CNBD1: variants seen among roughly 807,000 people sequenced by gnomAD.
CNBD1 encodes the protein cyclic nucleotide binding domain containing 1, also known as cyclic nucleotide-binding domain-containing protein 1.
CNBD1 carries 71 observed loss-of-function variants against 54.4 expected under a neutral mutation model. That is an observed-to-expected ratio of 1.30 (90% confidence interval 1.08 to 1.59). The LOEUF (loss-of-function observed/expected upper bound fraction) is 1.59. Ranked by LOEUF, CNBD1 falls within the 40% of genes most tolerant of loss-of-function variation. CNBD1 has a pLI of 0.00. For missense variants in CNBD1, 659 were observed against 518.0 expected (o/e 1.27, Z -2.64); for synonymous variants, 182 against 170.7 (o/e 1.07, Z -0.51).
chr8:87,388,603 C>A (rs553260564), intron 2 of CNBD1, among the ~76,000 whole-genome samples: 1 of 152,018 alleles, frequency 6.6e-6, no homozygotes, highest in African/African-American at 2.4e-5. Flanking sequence ...ATTGAGGCAA[C>A]AATTAATAGC....
chr8:87,098,887 A>G lies in CNBD1; in HGVS notation c.432-107106A>G, dbSNP rs1478426433. ...CTGTCTCTACTAAAAATACAAAAAA[A>G]TTAGCCAGGCGTGGTGGCACACGCC... On this transcript the variant is annotated intron_variant, in intron 4 of 10. Coordinates refer to ENST00000518476, the MANE Select transcript of CNBD1 (RefSeq NM_173538.3). 4.6e-5 allele frequency among the ~76,000 whole-genome samples: 7 copies of G among 151,778 alleles called. No individual in the cohort carries two copies. The East Asian group carries it at 1.4e-3, about 30-fold the overall frequency.
At position 87,015,405 on chromosome 8, in the gene CNBD1, T is replaced by G. The variant is rs568766825; in HGVS notation, c.431+75651T>G. Among the ~76,000 whole-genome samples, 13 of 152,222 alleles carry G rather than the reference T, an allele frequency of 8.5e-5. No individual in the cohort carries two copies. The South Asian group carries it at 2.3e-3, about 27-fold the overall frequency. ...TTTCATCGTGTTAGTCAGGATGGTC[T>G]CCGTCTCCTGACCTTGTGATCTGCC... On this transcript the variant is annotated intron_variant, in intron 4 of 10. Coordinates refer to ENST00000518476, the MANE Select transcript of CNBD1 (RefSeq NM_173538.3).
intron 6 of CNBD1, among the ~76,000 whole-genome samples, chr8:87,276,464 T>C (rs1167612952): frequency 6.6e-6 from 1 of 150,860 alleles, no homozygotes; most frequent in Non-Finnish European, 1.5e-5. Context: ...TCTGAATAAT[T>C]TTGTTACTCA....
chr8:87,383,357 G>A (rs1002505364), downstream of CNBD1, among the ~76,000 whole-genome samples: 14 of 152,016 alleles, frequency 9.2e-5, no homozygotes, highest in Non-Finnish European at 1.9e-4. Flanking sequence ...CCTTAGTAAG[G>A]GGGAAAACCG....
intron 2 of CNBD1, among the ~76,000 whole-genome samples, chr8:87,413,505 C>T (rs1390921805): frequency 6.6e-6 from 1 of 151,972 alleles, no homozygotes; most frequent in South Asian, 2.1e-4. Flanking sequence ...GGCAAAAATG[C>T]TTAAGATATT....
At chr8:87,304,961 T>A (rs1809110558) in intron 8 of CNBD1, among the ~76,000 whole-genome samples, 1 of 152,044 alleles carries the variant, frequency 6.6e-6, no homozygotes, top group Non-Finnish European at 1.5e-5. Context: ...AAAGAGGAAG[T>A]CAAACTGCCA....
At chr8:87,356,527 A>G (rs1810423578) in intron 10 of CNBD1, among the ~76,000 whole-genome samples, 1 of 152,170 alleles carries the variant, frequency 6.6e-6, no homozygotes, top group South Asian at 2.1e-4. Context: ...GTGGTGACCT[A>G]GGGTATCTGG....
rs144926640 is a variant in CNBD1, at chr8:87,352,863, T to C, written c.1153-773T>C. On this transcript the variant is annotated intron_variant, in intron 9 of 10. Coordinates refer to ENST00000518476, the MANE Select transcript of CNBD1 (RefSeq NM_173538.3). The stretch of plus-strand genomic sequence containing the variant: ...ATTCAGTGTAAAGATTTGCCATTTA[T>C]ATAGGTGCAAATATTCAAGTTATAT... Among the ~76,000 whole-genome samples, 406 of 152,334 alleles carry C rather than the reference T, an allele frequency of 2.7e-3. 1 individual carries two copies. Among genetic ancestry groups the C allele is most frequent in the Admixed American group, 4.6e-3 (70 of 15,294 alleles).
At chr8:87,380,107 A>C (rs1436880128) in intron 10 of CNBD1, among the ~76,000 whole-genome samples, 1 of 151,956 alleles carries the variant, frequency 6.6e-6, no homozygotes, top group Non-Finnish European at 1.5e-5. Context: ...TGCTTATTAT[A>C]ATTACATACA....
intron 3 of CNBD1, among the ~76,000 whole-genome samples, chr8:86,924,520 T>C (rs1809326310): frequency 6.6e-6 from 1 of 152,134 alleles, no homozygotes; most frequent in Admixed American, 6.5e-5. Context: ...CAATGTTCTG[T>C]GGGTGGAAAA....
chr8:87,315,276 C>A (rs1809360368), intron 8 of CNBD1, among the ~76,000 whole-genome samples: 1 of 152,002 alleles, frequency 6.6e-6, no homozygotes, highest in South Asian at 2.1e-4. Flanking sequence ...GCTGTGATAA[C>A]ACTGCTATAA....
At chr8:87,383,832 C>T (rs114644713), downstream of CNBD1, among the ~76,000 whole-genome samples, 2,866 of 152,208 alleles carry the variant, frequency 0.019, 88 homozygotes, top group African/African-American at 0.062. Context: ...CAGCACCATG[C>T]TCCAAATCAT....
chr8:86,974,315 C>A (rs1808292901), intron 4 of CNBD1, among the ~76,000 whole-genome samples: 1 of 151,880 alleles, frequency 6.6e-6, no homozygotes, highest in Non-Finnish European at 1.5e-5. Flanking sequence ...GAGTATAAAT[C>A]CATACAATTA....
chr8:87,262,834 T>C (rs1477089424), intron 6 of CNBD1, among the ~76,000 whole-genome samples: 1 of 152,168 alleles, frequency 6.6e-6, no homozygotes, highest in Non-Finnish European at 1.5e-5. Flanking sequence ...CAATTCACTT[T>C]TATAGACAGT....
chr8:86,873,986 A>T (rs189496800), intron 1 of CNBD1, among the ~76,000 whole-genome samples: 84 of 152,316 alleles, frequency 5.5e-4, no homozygotes, highest in African/African-American at 1.9e-3. Context: ...CATTACTGTA[A>T]TCTAATCCTT....
chr8:86,927,389 CTGTT>C (rs1809380068), intron 3 of CNBD1, among the ~76,000 whole-genome samples: 1 of 152,184 alleles, frequency 6.6e-6, no homozygotes, highest in East Asian at 1.9e-4. Context: ...AAAACCCAGA[CTGTT>C]TGTTAAACAG....
intron 4 of CNBD1, among the ~76,000 whole-genome samples, chr8:86,971,415 G>A (rs938728758): frequency 6.6e-6 from 1 of 152,084 alleles, no homozygotes; most frequent in Admixed American, 6.6e-5. Context: ...ATGAGATTTG[G>A]GTGGAGATGA....
rs776634552 is a variant in CNBD1 at position 86,979,402 on chromosome 8, C to CAAAAAAAAAAAAAAAAAAAAAAA, written c.431+39652_431+39674dup. Among the ~76,000 whole-genome samples, 5 of 10,392 alleles carry CAAAAAAAAAAAAAAAAAAAAAAA rather than the reference C, an allele frequency of 4.8e-4. 2 individuals are homozygous for CAAAAAAAAAAAAAAAAAAAAAAA. Among genetic ancestry groups the CAAAAAAAAAAAAAAAAAAAAAAA allele is most frequent in the African/African-American group, 8.5e-4 (2 of 2,342 alleles). The allele number at this position is 10,392 out of a possible 152,430, so 6.8% of individuals were successfully genotyped here. On this transcript the variant is annotated intron_variant, in intron 4 of 10. Coordinates refer to ENST00000518476, the MANE Select transcript of CNBD1 (RefSeq NM_173538.3). ...GCAACATGGAGAAAAATCATCTCTA[C>CAAAAAAAAAAAAAAAAAAAAAAA]AAAAAAAAAAAAAAAAAAAAAAAAA...
In CNBD1 at chr8:87,138,152, A is replaced by G. The variant is rs571880803; in HGVS notation, c.432-67841A>G. Among the ~76,000 whole-genome samples, 660 of 152,288 alleles carry G rather than the reference A, an allele frequency of 4.3e-3. 2 individuals carry two copies. Among genetic ancestry groups the G allele is most frequent in the Non-Finnish European group, 6.1e-3 (417 of 68,020 alleles). On this transcript the variant is annotated intron_variant, in intron 4 of 10. Coordinates refer to ENST00000518476, the MANE Select transcript of CNBD1 (RefSeq NM_173538.3). ...GTTTTTCTTGGTCTCTCATCAATCC[A>G]AGAACACAGAGGGATAATTTTTGTC... is the stretch of plus-strand genomic sequence containing the variant.
Sources: allele counts gnomAD v4.1 joint callset (sites outside exome capture counted in the v4.1 genomes callset), GRCh38; gene constraint gnomAD v4.1.1; transcripts MANE v1.5; gene names NCBI Gene and HGNC (gene_info 2026-07-23, HGNC 2026-07-21).